Variants in MTTP observed in about 807,000 individuals in gnomAD.
MTTP encodes microsomal triglyceride transfer protein, also known as microsomal triglyceride transfer protein large subunit.
In MTTP, 49 loss-of-function variants were observed where a neutral mutation model predicts 90.6. That is an observed-to-expected ratio of 0.54 (90% CI 0.43 to 0.69). MTTP has a LOEUF of 0.69. Among genes scored for constraint, MTTP ranks in the 30% least tolerant of loss-of-function variants. The pLI is 0.00. For synonymous variants in MTTP, 347 were observed against 384.2 expected, an observed-to-expected ratio of 0.90 and a Z score of 1.13; for missense variants, 945 against 1,067.5, an observed-to-expected ratio of 0.89 and a Z score of 1.60.
rs943653025 is a variant in MTTP at position 99,589,808 on chromosome 4, C to T, written c.501+58C>T. ...TCAATAAAATTTGTAAGGATTTCTA[C>T]TTATACAATTTCAGTAGAAGAGTTA... On this transcript the variant is annotated intron_variant, in intron 4 of 17. Coordinates refer to ENST00000265517, the MANE Select transcript of MTTP (RefSeq NM_001386140.1). 124 of 1,177,444 alleles carry T rather than the reference C, an allele frequency of 1.1e-4. No individual in the cohort carries two copies. The African/African-American group carries it at 1.6e-3, about 16-fold the overall frequency. The allele number at this position is 1,177,444 out of a possible 1,614,324, so 72.9% of individuals were successfully genotyped here. A position where few individuals can be genotyped will look rare whatever the true frequency, so the allele number is the denominator to read the frequency against.
intron 2 of MTTP, among the ~76,000 whole-genome samples, chr4:99,582,293 A>G (rs561146597): frequency 6.6e-6 from 1 of 152,342 alleles, no homozygotes; most frequent in South Asian, 2.1e-4. Context: ...GCAACAGACA[A>G]TAGAAGGTAT....
intron 11 of MTTP, among the ~76,000 whole-genome samples, chr4:99,608,185 G>C (rs113930074): frequency 6.6e-6 from 1 of 152,128 alleles, no homozygotes; most frequent in Admixed American, 6.5e-5. Context: ...GGTGGCTCAC[G>C]CCTGTAATCC....
chr4:99,582,056 TC>T lies in MTTP; in HGVS notation c.215del (p.Pro72LeufsTer8), dbSNP rs1560614154. Reference sequence around the variant, plus strand: ...TGGATGTGGCCTTACTATGGAGGAATCCTGATGGTGATGATGACCAGTTGAT... The same window carrying T: ...TGGATGTGGCCTTACTATGGAGGAATCTGATGGTGATGATGACCAGTTGAT... Reference protein sequence around the residue: ...NVDVALLWRNPDGDDDQLIQI... With the variant: ...NVDVALLWRNXDGDDDQLIQI... On this transcript the variant is annotated frameshift_variant, in exon 2 of 18. Transcript: ENST00000265517. LOFTEE classifies it high-confidence loss of function. The T allele has an allele frequency of 6.2e-7, 1 of 1,614,056 alleles. No homozygotes were observed.
intron 15 of MTTP, 72 bp downstream of exon 15, chr4:99,613,212 T>A: frequency 7.4e-7 from 1 of 1,348,216 alleles, no homozygotes; most frequent in Non-Finnish European, 1.0e-6. Context: ...TATGCTTAGT[T>A]CTTGGAGGAT....
chr4:99,594,865 C>G lies in MTTP; in HGVS notation c.891C>G (p.His297Gln), dbSNP rs2306985. 0.39 allele frequency: 621,925 copies of G among 1,612,596 alleles called. 130,556 individuals carry two copies. The highest frequency in any genetic ancestry group is 0.76 in the African/African-American group (56,636 of 74,912). ...IPIVGQVFQS[H>Q]CKGCPSLSEL... ...TTGTGGGGCAGGTCTTCCAGAGCCA[C>G]TGTAAAGGATGTCCTTCTGTAAGTG... The change falls in exon 7 of 18, where the codon CAC (histidine) becomes CAG (glutamine). Residue 297 changes from histidine to glutamine, a missense_variant. Physicochemically the swap from His to Gln is conservative, Grantham distance 24. Transcript: ENST00000265517.
intron 4 of MTTP, among the ~76,000 whole-genome samples, chr4:99,590,156 C>T (rs1476690665): frequency 2.0e-5 from 3 of 152,112 alleles, no homozygotes; most frequent in Admixed American, 6.6e-5. Flanking sequence ...AGTGCAATGG[C>T]GCAATCTCGG....
In MTTP at chr4:99,597,136, A is replaced by C; in HGVS notation, c.979A>C (p.Arg327=). ...PDNLSKAEAV[R]NFLAFIQHLR... Reference sequence around the variant, plus strand: ...CAACCTTTCCAAGGCTGAGGCTGTCAGAAACTTCCTGGCCTTCATTCAGCA... The same window carrying C: ...CAACCTTTCCAAGGCTGAGGCTGTCCGAAACTTCCTGGCCTTCATTCAGCA... Residue 327 remains arginine (R), a synonymous_variant, in exon 8 of 18, where the codon AGA becomes CGA. Transcript: ENST00000265517. The C allele has an allele frequency of 6.2e-7, 1 of 1,614,080 alleles. No individual in the cohort carries two copies.
Position 99,597,172 on chromosome 4 carries a change from G to A in MTTP, c.1015G>A (p.Ala339Thr). The change falls in exon 8 of 18, where the codon GCG becomes ACG. Residue 339 changes from alanine (A) to threonine (T), a missense_variant. By Grantham distance (58) the Ala-to-Thr change is moderately conservative. Transcript: ENST00000265517. ...FLAFIQHLRTAKKEEILQILK... is the reference protein window; with the variant it reads ...FLAFIQHLRTTKKEEILQILK... ...GGCCTTCATTCAGCACCTCAGGACT[G>A]CGAAGAAAGAAGAGATCCTTCAAAT... 1.2e-6 allele frequency: 2 copies of A among 1,613,966 alleles called. No homozygotes were observed. Among genetic ancestry groups the A allele is most frequent in the Non-Finnish European group, 8.5e-7 (1 of 1,179,898 alleles).
At chr4:99,589,139 T>C (rs1725350550) in intron 3 of MTTP, among the ~76,000 whole-genome samples, 1 of 143,752 alleles carries the variant, frequency 7.0e-6, no homozygotes, top group African/African-American at 2.6e-5. Flanking sequence ...CTGTGAAATG[T>C]TGACCATGGG....
upstream of MTTP, among the ~76,000 whole-genome samples, chr4:99,571,106 C>T (rs1016190953): frequency 6.6e-6 from 1 of 151,888 alleles, no homozygotes; most frequent in Non-Finnish European, 1.5e-5. Flanking sequence ...TGCCTTTGCA[C>T]CACTCACTCT....
chr4:99,588,021 G>A (rs1167700020), intron 3 of MTTP, among the ~76,000 whole-genome samples: 2 of 152,124 alleles, frequency 1.3e-5, no homozygotes, highest in Admixed American at 6.6e-5. Context: ...GGTTAGTCCA[G>A]TCTAATGACT....
At chr4:99,589,539 C>A in intron 3 of MTTP, 104 bp from the exon 4 acceptor site, 1 of 730,554 alleles carries the variant, frequency 1.4e-6, no homozygotes, top group South Asian at 1.5e-5. Flanking sequence ...CTCTTTCTCC[C>A]AGGATTAATA....
rs191442668 is a variant in MTTP, at chr4:99,600,551, G to A, written c.1068-14G>A. The A allele has an allele frequency of 6.2e-7, 1 of 1,611,914 alleles. No individual in the cohort carries two copies. The highest frequency in any genetic ancestry group is 8.5e-7 in the Non-Finnish European group (1 of 1,178,290). On this transcript the variant is annotated splice_polypyrimidine_tract_variant and intron_variant, in intron 8 of 17. Coordinates refer to ENST00000265517, the MANE Select transcript of MTTP (RefSeq NM_001386140.1). ...CCTAAACATTGATATCCATGATTAT[G>A]CCTTTTTTTATAGACCTCAGCTGGT... is the stretch of plus-strand genomic sequence containing the variant.
chr4:99,571,758 A>T (rs905925499), upstream of MTTP, among the ~76,000 whole-genome samples: 2 of 151,956 alleles, frequency 1.3e-5, no homozygotes, highest in African/African-American at 4.8e-5. Context: ...AAAAGTCATC[A>T]CATTAAGAAT....
rs1023948924 is a variant in MTTP at position 99,591,637 on chromosome 4, A to G, written c.619-14A>G. 2.5e-6 allele frequency: 4 copies of G among 1,607,168 alleles called. No homozygotes were observed. The Admixed American group carries it at 6.7e-5, about 27-fold the overall frequency. On this transcript the variant is annotated splice_polypyrimidine_tract_variant and intron_variant, in intron 5 of 17. Coordinates refer to ENST00000265517, the MANE Select transcript of MTTP (RefSeq NM_001386140.1). ...ATGATTACTTGTTATAAAGATGGCT[A>G]TTTATTTATTTAGGTCTTGGGTGTC...
chr4:99,591,798 A>T lies in MTTP; in HGVS notation c.758+8A>T. 1 of 1,603,526 alleles carries T rather than the reference A, an allele frequency of 6.2e-7. No homozygotes were observed. ...GGGGAAAATAGTATCGAAGTAAGATAATGCTAAAATTTTTATTTTCTTTGC... is the reference window on the plus strand; with the variant it reads ...GGGGAAAATAGTATCGAAGTAAGATTATGCTAAAATTTTTATTTTCTTTGC... On this transcript the variant is annotated splice_region_variant and intron_variant, in intron 6 of 17. Coordinates refer to ENST00000265517, the MANE Select transcript of MTTP (RefSeq NM_001386140.1).
intron 5 of MTTP, 66 bp downstream of exon 5, chr4:99,591,417 T>C: frequency 7.8e-7 from 1 of 1,289,228 alleles, no homozygotes. Flanking sequence ...TAATTTAATG[T>C]AATAGAAAAA....
At chr4:99,595,560 G>GT (rs1218342749) in intron 7 of MTTP, 5 of 154,818 alleles carry the variant, frequency 3.2e-5, no homozygotes, top group Admixed American at 2.5e-4. Flanking sequence ...TGCTCTGTGT[G>GT]TAACTATAGG....
intron 8 of MTTP, among the ~76,000 whole-genome samples, chr4:99,597,918 T>C (rs1725597661): frequency 6.6e-6 from 1 of 152,176 alleles, no homozygotes; most frequent in South Asian, 2.1e-4. Context: ...TTATCCTAAT[T>C]GATGATATAG....
Sources: gnomAD v4.1 joint callset for allele counts (sites outside exome capture counted in the v4.1 genomes callset) on GRCh38, gnomAD v4.1.1 for gene constraint, MANE v1.5 for transcripts, NCBI Gene and HGNC (gene_info 2026-07-23, HGNC 2026-07-21) for gene names.